The following TTI1 variants were observed in gnomAD, a reference collection of about 807,000 sequenced individuals.
TTI1 encodes TELO2 interacting protein 1.
A neutral mutation model predicts 85.4 loss-of-function variants in TTI1; 52 were observed. That is an observed-to-expected ratio of 0.61 (90% CI 0.49 to 0.77). TTI1 has a LOEUF of 0.77. Ranked by LOEUF, TTI1 falls within the 30% of genes least tolerant of loss-of-function variation. The probability of loss-of-function intolerance (pLI) is 0.00; values close to 1 mark genes in which losing one functional copy is unlikely to be tolerated. For missense variants in TTI1, 1,173 were observed against 1,296.0 expected (o/e 0.91, Z 1.46); for synonymous variants, 512 against 503.9 (o/e 1.02, Z -0.22).
intron 5 of TTI1, 136 bp from the exon 6 acceptor site, chr20:37,997,089 T>C: frequency 9.8e-7 from 1 of 1,018,114 alleles, no homozygotes; most frequent in African/African-American, 1.6e-5. Context: ...GTTAATTCCT[T>C]GCCCATGGTT....
rs2073617386 is a variant in TTI1, at chr20:38,012,684, A to G, written c.1133T>C (p.Leu378Pro). The change falls in exon 2 of 8, where the codon CTG becomes CCG. Residue 378 changes from leucine (L) to proline (P), a missense_variant. By Grantham distance (98) the Leu-to-Pro change is moderately conservative. Coordinates refer to ENST00000373447, the MANE Select transcript of TTI1 (RefSeq NM_001303457.2). Reference sequence around the variant, plus strand: ...AGGAAGAGATGTGGCAAGGGAATGCAGGCTTTCTGACAAGATGTCAGCGAG... The same window carrying G: ...AGGAAGAGATGTGGCAAGGGAATGCGGGCTTTCTGACAAGATGTCAGCGAG... ...KALADILSES[L>P]HSLATSLPRL... 6.2e-7 allele frequency: 1 copy of G among 1,614,242 alleles called. No individual in the cohort carries two copies.
chr20:38,002,803 G>A (rs1390093751), intron 3 of TTI1, 27 bp from the exon 4 acceptor site: 2 of 1,611,054 alleles, frequency 1.2e-6, no homozygotes, highest in Admixed American at 1.7e-5. Flanking sequence ...ACTGGGGGCA[G>A]TGTTGTATGA....
At chr20:37,999,516 C>T (rs2122524331) in intron 4 of TTI1, among the ~76,000 whole-genome samples, 188 bp from the exon 5 acceptor site, 1 of 152,264 alleles carries the variant, frequency 6.6e-6, no homozygotes, top group Non-Finnish European at 1.5e-5. Context: ...CGTTTCCTTG[C>T]CTTTGCAGGG....
At chr20:38,002,947 T>C (rs193078407) in intron 3 of TTI1, among the ~76,000 whole-genome samples, 171 bp from the exon 4 acceptor site, 3 of 152,326 alleles carry the variant, frequency 2.0e-5, no homozygotes, top group Admixed American at 2.0e-4. Context: ...GATATAGCCA[T>C]ATAATGGCAT....
chr20:37,993,486 T>C (rs1211230043), intron 7 of TTI1, among the ~76,000 whole-genome samples: 2 of 152,158 alleles, frequency 1.3e-5, no homozygotes, highest in Non-Finnish European at 1.5e-5. Context: ...AACCCAAGCA[T>C]GATGCACATA....
chr20:38,012,826 G>A lies in TTI1; in HGVS notation c.991C>T (p.Pro331Ser). 1 of 1,614,174 alleles carries A rather than the reference G, an allele frequency of 6.2e-7. No homozygotes were observed. The highest frequency in any genetic ancestry group is 8.5e-7 in the Non-Finnish European group (1 of 1,180,034). Residue 331 changes from proline (P) to serine (S), a missense_variant, in exon 2 of 8, where the codon CCC (proline) becomes TCC (serine). Coordinates refer to ENST00000373447, the MANE Select transcript of TTI1 (RefSeq NM_001303457.2). ...CSQSLVECAG[P>S]LLKALVGLVN... ...AGTCCCACTAAGGCCTTCAGAAGGG[G>A]ACCAGCACATTCGACCAATGATTGA...
At chr20:37,986,046 G>GA (rs1355777054) in intron 7 of TTI1, among the ~76,000 whole-genome samples, 5 of 152,164 alleles carry the variant, frequency 3.3e-5, no homozygotes. Flanking sequence ...GGGAAATTAT[G>GA]AAAAAACGCA....
At chr20:37,996,551 G>A in intron 6 of TTI1, 89 bp from the exon 7 acceptor site, 2 of 1,502,624 alleles carry the variant, frequency 1.3e-6, no homozygotes, top group African/African-American at 1.4e-5. Context: ...AACTGCAACA[G>A]CTAGGCAAGA....
intron 7 of TTI1, among the ~76,000 whole-genome samples, chr20:37,992,464 A>G (rs1414369559): frequency 6.6e-6 from 1 of 152,078 alleles, no homozygotes; most frequent in African/African-American, 2.4e-5. Flanking sequence ...TTCAGTAGAG[A>G]CAGGGTTTCG....
intron 1 of TTI1, among the ~76,000 whole-genome samples, chr20:38,025,617 C>T (rs1005080037): frequency 6.6e-6 from 1 of 151,032 alleles, no homozygotes; most frequent in Non-Finnish European, 1.5e-5. Flanking sequence ...ATGTCAACAC[C>T]AAGATGACAA....
chr20:38,010,353 C>T (rs1368253320), intron 2 of TTI1, among the ~76,000 whole-genome samples: 2 of 152,018 alleles, frequency 1.3e-5, no homozygotes, highest in Non-Finnish European at 2.9e-5. Context: ...TGGAAATATG[C>T]TCTTTAAATA....
chr20:37,996,989 T>C (rs2073351732), intron 5 of TTI1, 36 bp from the exon 6 acceptor site: 2 of 1,601,436 alleles, frequency 1.2e-6, no homozygotes, highest in African/African-American at 2.7e-5. Context: ...GAGTGAACAT[T>C]GCCAAGGCAG....
chr20:37,986,851 CA>C lies in TTI1; in HGVS notation c.3087-3213del, dbSNP rs576747409. Among the ~76,000 whole-genome samples the C allele has an allele frequency of 2.4e-3, 362 of 152,332 alleles. 1 individual carries two copies. The highest frequency in any genetic ancestry group is 8.2e-3 in the African/African-American group (342 of 41,578). On this transcript the variant is annotated intron_variant, in intron 7 of 7. Transcript: ENST00000373447. Reference sequence around the variant, plus strand: ...TAATTTTCAGATACCCTGAAAAGGGCAAAACATTTGTCTTTTGTTTCACTCA... The same window carrying C: ...TAATTTTCAGATACCCTGAAAAGGGCAAACATTTGTCTTTTGTTTCACTCA...
chr20:38,003,552 A>G (rs1203368960), intron 3 of TTI1, among the ~76,000 whole-genome samples: 1 of 152,154 alleles, frequency 6.6e-6, no homozygotes, highest in Non-Finnish European at 1.5e-5. Context: ...CAGCAGTTTG[A>G]GACCAGCCTG....
chr20:38,002,916 G>C, intron 3 of TTI1, 140 bp from the exon 4 acceptor site: 1 of 1,174,974 alleles, frequency 8.5e-7, no homozygotes, highest in South Asian at 1.5e-5. Context: ...CCACTCAAGG[G>C]GGAATAGGTA....
chr20:38,016,537 C>T (rs909962053), intron 1 of TTI1, among the ~76,000 whole-genome samples: 5 of 152,206 alleles, frequency 3.3e-5, no homozygotes, highest in African/African-American at 4.8e-5. Context: ...TTGACCTCAT[C>T]GCTTTCTGCC....
chr20:38,013,920 A>T, intron 1 of TTI1, 63 bp from the exon 2 acceptor site: 1 of 1,469,202 alleles, frequency 6.8e-7, no homozygotes, highest in East Asian at 2.3e-5. Context: ...GTGAACTTGC[A>T]TTCATTCATT....
At chr20:38,020,171 GA>G (rs2122625756) in intron 1 of TTI1, among the ~76,000 whole-genome samples, 1 of 151,482 alleles carries the variant, frequency 6.6e-6, no homozygotes, top group African/African-American at 2.4e-5. Context: ...AAAGAAAAAT[GA>G]ACAGAACAGA....
At chr20:38,022,543 T>C (rs905556534) in intron 1 of TTI1, among the ~76,000 whole-genome samples, 1 of 152,210 alleles carries the variant, frequency 6.6e-6, no homozygotes, top group Non-Finnish European at 1.5e-5. Context: ...CTGTCATTTG[T>C]AGAGTGCTGA....
Sources: allele counts gnomAD v4.1 joint callset (sites outside exome capture counted in the v4.1 genomes callset), GRCh38; gene constraint gnomAD v4.1.1; transcripts MANE v1.5; gene names NCBI Gene and HGNC (gene_info 2026-07-23, HGNC 2026-07-21).